The following CAMTA1 variants were observed in gnomAD, a reference collection of about 807,000 sequenced individuals.
The protein encoded by CAMTA1 is calmodulin-binding transcription activator 1.
CAMTA1 carries 27 observed loss-of-function variants against 170.9 expected under a neutral mutation model. The ratio of observed to expected loss-of-function variants is 0.16; its 90% CI spans 0.12 to 0.22. The LOEUF (loss-of-function observed/expected upper bound fraction) is 0.22, where lower values mean the gene tolerates loss of function less well. Among genes scored for constraint, CAMTA1 ranks in the 10% least tolerant of loss-of-function variants. The pLI is 1.00. For missense variants in CAMTA1, 1,619 were observed against 2,217.2 expected (o/e 0.73, Z 5.42); for synonymous variants, 833 against 891.5 (o/e 0.93, Z 1.17).
chr1:6,791,911 C>A (rs6664814), intron 1 of CAMTA1, among the ~76,000 whole-genome samples: 4 of 151,792 alleles, frequency 2.6e-5, no homozygotes, highest in Non-Finnish European at 4.4e-5. Flanking sequence ...GAGGGACTTA[C>A]AAACATATAG....
At chr1:6,953,844 C>T (rs933966306) in intron 3 of CAMTA1, among the ~76,000 whole-genome samples, 3 of 152,036 alleles carry the variant, frequency 2.0e-5, no homozygotes, top group African/African-American at 4.8e-5. Flanking sequence ...CATAAACAGC[C>T]GGTGATGGGG....
intron 11 of CAMTA1, among the ~76,000 whole-genome samples, chr1:7,722,389 GT>G (rs1453118441): frequency 2.0e-5 from 3 of 152,214 alleles, no homozygotes; most frequent in African/African-American, 7.2e-5. Flanking sequence ...TGGAACAGCT[GT>G]GATGGAGAGG....
chr1:7,743,064 G>T (rs1437084358), intron 16 of CAMTA1, among the ~76,000 whole-genome samples: 1 of 152,154 alleles, frequency 6.6e-6, no homozygotes, highest in African/African-American at 2.4e-5. Flanking sequence ...TATTGCCCAG[G>T]CTGGGCTTGA....
chr1:7,480,755 C>A (rs74053036), intron 6 of CAMTA1, among the ~76,000 whole-genome samples: 2,268 of 152,260 alleles, frequency 0.015, 59 homozygotes, highest in African/African-American at 0.051. Flanking sequence ...TCTTCTCTGT[C>A]TACACTTTCT....
At chr1:7,196,289 C>A (rs1316788095) in intron 4 of CAMTA1, among the ~76,000 whole-genome samples, 1 of 152,176 alleles carries the variant, frequency 6.6e-6, no homozygotes, top group Non-Finnish European at 1.5e-5. Flanking sequence ...CTTGAGGCCT[C>A]CCAGTCTGTG....
At chr1:7,366,597 A>G (rs1179710459) in intron 5 of CAMTA1, among the ~76,000 whole-genome samples, 3 of 152,250 alleles carry the variant, frequency 2.0e-5, no homozygotes, top group Non-Finnish European at 4.4e-5. Context: ...CAGAGAGCTA[A>G]TGATAACATT....
intron 6 of CAMTA1, among the ~76,000 whole-genome samples, chr1:7,506,885 A>G (rs1170446323): frequency 6.6e-6 from 1 of 151,946 alleles, no homozygotes; most frequent in African/African-American, 2.4e-5. Context: ...ACTAACACTC[A>G]AAATTCACAC....
intron 6 of CAMTA1, among the ~76,000 whole-genome samples, chr1:7,593,188 A>G (rs1174123910): frequency 3.3e-5 from 5 of 152,192 alleles, no homozygotes; most frequent in Non-Finnish European, 7.3e-5. Flanking sequence ...CAGGGGGAGA[A>G]ACAGCATATC....
chr1:7,092,443 T>C lies in CAMTA1; in HGVS notation c.302+1072T>C, dbSNP rs770055139. Among the ~76,000 whole-genome samples, 2 of 152,194 alleles carry C rather than the reference T, an allele frequency of 1.3e-5. No individual in the cohort carries two copies. Among genetic ancestry groups the C allele is most frequent in the East Asian group, 3.9e-4 (2 of 5,194 alleles). On this transcript the variant is annotated intron_variant, in intron 4 of 22. Coordinates refer to ENST00000303635, the MANE Select transcript of CAMTA1 (RefSeq NM_015215.4). The surrounding 1 kb of genome is among the most constrained non-coding windows in gnomAD (Gnocchi z 5.0). ...TGAGATATTTACTGGTTAGCATCTT[T>C]TAGGTGAGGGCACAATCCTCCCCTT...
At chr1:7,710,432 TA>T (rs1185933930) in intron 11 of CAMTA1, among the ~76,000 whole-genome samples, 1 of 151,536 alleles carries the variant, frequency 6.6e-6, no homozygotes, top group Admixed American at 6.6e-5. Context: ...ACCTCATCTT[TA>T]AAAAAAATTT....
chr1:7,716,076 G>A (rs559183883), intron 11 of CAMTA1, among the ~76,000 whole-genome samples: 2 of 151,956 alleles, frequency 1.3e-5, no homozygotes, highest in African/African-American at 2.4e-5. Context: ...TCTGTTGCCC[G>A]GGCTGGAGTG....
At chr1:7,755,718 A>AT in intron 22 of CAMTA1, 50 bp downstream of exon 22, 2 of 1,580,808 alleles carry the variant, frequency 1.3e-6, no homozygotes. Flanking sequence ...CATTTTCAGT[A>AT]TTTTGCTTTT....
At chr1:6,796,795 T>C (rs1325757038) in intron 1 of CAMTA1, among the ~76,000 whole-genome samples, 1 of 152,100 alleles carries the variant, frequency 6.6e-6, no homozygotes, top group South Asian at 2.1e-4. Context: ...AGAAATCTTA[T>C]TTGGAGTTTT....
intron 6 of CAMTA1, among the ~76,000 whole-genome samples, chr1:7,587,298 C>A (rs1208904330): frequency 6.6e-6 from 1 of 151,970 alleles, no homozygotes; most frequent in Non-Finnish European, 1.5e-5. Context: ...GACAGATACC[C>A]CCACCCTAGA....
chr1:7,680,787 ATTTG>A lies in CAMTA1; in HGVS notation c.2914+3059_2914+3062del, dbSNP rs2096186789. Among the ~76,000 whole-genome samples, 1 of 136,186 alleles carries A rather than the reference ATTTG, an allele frequency of 7.3e-6. No individual in the cohort carries two copies. Among genetic ancestry groups the A allele is most frequent in the Admixed American group, 7.7e-5 (1 of 13,038 alleles). 89.3% of individuals were successfully genotyped at this position (136,186 alleles called of 152,430 possible). On this transcript the variant is annotated intron_variant, in intron 11 of 22. Transcript: ENST00000303635. This position sits in a 1 kb window ranked among gnomAD's most constrained non-coding sequence, Gnocchi z 4.4. The stretch of plus-strand genomic sequence containing the variant: ...TGCCCTCATTTGATCTAAAACATGA[ATTTG>A]TTTGCTTGGCTAAAGGCCGGGGGGG...
intron 4 of CAMTA1, among the ~76,000 whole-genome samples, chr1:7,240,633 C>G (rs1664701484): frequency 6.6e-6 from 1 of 151,488 alleles, no homozygotes; most frequent in African/African-American, 2.4e-5. Flanking sequence ...GTGATTCTCT[C>G]ACCTCAGCCT....
In CAMTA1 at chr1:7,248,131, G is replaced by A. The variant is rs1345400945; in HGVS notation, c.303-1360G>A. On this transcript the variant is annotated intron_variant, in intron 4 of 22. Transcript: ENST00000303635. This position sits in a 1 kb window ranked among gnomAD's most constrained non-coding sequence, Gnocchi z 4.0. ...TGGGTGGAAACTACAATTAGCTGCA[G>A]TCACCCTGGTGGGACTGTTTTTTTC... Among the ~76,000 whole-genome samples, 1 of 152,168 alleles carries A rather than the reference G, an allele frequency of 6.6e-6. No homozygotes were observed. Among genetic ancestry groups the A allele is most frequent in the African/African-American group, 2.4e-5 (1 of 41,438 alleles).
chr1:6,820,086 G>T (rs1570441040), intron 1 of CAMTA1, 95 bp from the exon 2 acceptor site: 2 of 754,202 alleles, frequency 2.7e-6, no homozygotes, highest in Non-Finnish European at 4.8e-6. Context: ...CTCATGATTA[G>T]ATTCAGGTTT....
chr1:7,677,916 G>C (rs2096139221), intron 11 of CAMTA1, among the ~76,000 whole-genome samples, 183 bp downstream of exon 11: 1 of 152,244 alleles, frequency 6.6e-6, no homozygotes, highest in Non-Finnish European at 1.5e-5. Flanking sequence ...TCAGCCATTT[G>C]TGTCTGGACA....
Sources: allele counts gnomAD v4.1 joint callset (sites outside exome capture counted in the v4.1 genomes callset), GRCh38; gene constraint gnomAD v4.1.1; non-coding constraint Gnocchi (gnomAD v3.1); transcripts MANE v1.5; gene names NCBI Gene and HGNC (gene_info 2026-07-23, HGNC 2026-07-21).